Variants in ABCA1 observed in about 807,000 individuals in gnomAD.
ABCA1 encodes phospholipid-transporting ATPase ABCA1.
In ABCA1, 133 loss-of-function variants were observed where a neutral mutation model predicts 262.5. The observed-to-expected ratio is 0.51, with a 90% confidence interval of 0.44 to 0.59. The LOEUF (loss-of-function observed/expected upper bound fraction) is 0.59. Among genes scored for constraint, ABCA1 ranks in the 20% least tolerant of loss-of-function variants. The pLI, the probability that ABCA1 is intolerant of heterozygous loss-of-function variation, is 0.00. For missense variants in ABCA1, 2,452 were observed against 2,777.5 expected (o/e 0.88, Z 2.63); for synonymous variants, 1,022 against 1,043.5 (o/e 0.98, Z 0.40).
At chr9:104,834,706 G>A (rs886231752) in intron 11 of ABCA1, among the ~76,000 whole-genome samples, 6 of 145,158 alleles carry the variant, frequency 4.1e-5, no homozygotes, top group Admixed American at 1.4e-4. Context: ...AACAGGTCCC[G>A]AGGATGGGTG....
At chr9:104,920,551 G>C (rs142569607) in intron 1 of ABCA1, among the ~76,000 whole-genome samples, 142 of 152,216 alleles carry the variant, frequency 9.3e-4, no homozygotes, top group African/African-American at 3.3e-3. Flanking sequence ...TTTTGAGATG[G>C]AGTCTCGCTC....
At chr9:104,862,109 T>C (rs1473824596) in intron 5 of ABCA1, among the ~76,000 whole-genome samples, 1 of 151,820 alleles carries the variant, frequency 6.6e-6, no homozygotes, top group East Asian at 1.9e-4. Flanking sequence ...TTTTCTTTTT[T>C]TTTTTTTATT....
At chr9:104,835,583 C>A (rs997692507) in intron 11 of ABCA1, among the ~76,000 whole-genome samples, 3 of 152,160 alleles carry the variant, frequency 2.0e-5, no homozygotes, top group East Asian at 1.9e-4. Context: ...AATTCATCCA[C>A]CCCATCAGAG....
At position 104,800,510 on chromosome 9, in the gene ABCA1, C is replaced by A; in HGVS notation, c.4773G>T (p.Lys1591Asn). ...MTGLDTKNNV[K>N]VWFNNKGWHA... Reference sequence around the variant, plus strand: ...TACTAGAACAAAGACAGCGGTTTACCTTGACATTATTTTTGGTGTCCAGTC... The same window carrying A: ...TACTAGAACAAAGACAGCGGTTTACATTGACATTATTTTTGGTGTCCAGTC... The change falls in exon 35 of 50, where the codon AAG becomes AAT. Residue 1591 changes from lysine (K) to asparagine (N), a missense_variant and splice_region_variant. Coordinates refer to ENST00000374736, the MANE Select transcript of ABCA1 (RefSeq NM_005502.4). The A allele has an allele frequency of 6.2e-7, 1 of 1,613,428 alleles. No homozygotes were observed. Among genetic ancestry groups the A allele is most frequent in the Non-Finnish European group, 8.5e-7 (1 of 1,179,386 alleles).
chr9:104,828,301 C>T (rs564843632), intron 15 of ABCA1, among the ~76,000 whole-genome samples: 5 of 152,238 alleles, frequency 3.3e-5, no homozygotes, highest in African/African-American at 4.8e-5. Context: ...AGGAGGGAGG[C>T]CTTGGGGGAG....
intron 9 of ABCA1, among the ~76,000 whole-genome samples, chr9:104,838,749 A>C (rs2119029137): frequency 6.6e-6 from 1 of 152,276 alleles, no homozygotes; most frequent in Non-Finnish European, 1.5e-5. Context: ...TTAAAAATTC[A>C]TTCTAAGTTT....
intron 14 of ABCA1, 134 bp downstream of exon 14, chr9:104,830,791 G>A: frequency 1.0e-6 from 1 of 978,956 alleles, no homozygotes. Context: ...TCATGTGGCT[G>A]CAACTGTTGA....
chr9:104,858,655 T>C lies in ABCA1; in HGVS notation c.587A>G (p.Asn196Ser), dbSNP rs771239864. 4.3e-6 allele frequency: 7 copies of C among 1,614,212 alleles called. No homozygotes were observed. The highest frequency in any genetic ancestry group is 1.3e-5 in the African/African-American group (1 of 75,062). Reference protein sequence around the residue: ...GYQLHLTSLCNGSKSEEMIQL... With the variant: ...GYQLHLTSLCSGSKSEEMIQL... ...AATCATCTCTTCTGATTTTGATCCA[T>C]TGCACAGACTTGTCAAATGTAACTG... The change falls in exon 7 of 50, where the codon AAT becomes AGT. Residue 196 changes from asparagine to serine, a missense_variant. Coordinates refer to ENST00000374736, the MANE Select transcript of ABCA1 (RefSeq NM_005502.4).
intron 9 of ABCA1, among the ~76,000 whole-genome samples, chr9:104,838,477 C>T (rs1834033697): frequency 6.7e-6 from 1 of 149,910 alleles, no homozygotes; most frequent in South Asian, 2.1e-4. Flanking sequence ...ATTAGCTGGG[C>T]ATGGTGGCGG....
At chr9:104,786,651 C>A (rs1021044004) in intron 47 of ABCA1, among the ~76,000 whole-genome samples, 1 of 152,008 alleles carries the variant, frequency 6.6e-6, no homozygotes, top group Admixed American at 6.6e-5. Flanking sequence ...GAAATGACAC[C>A]TAAATGCACT....
chr9:104,795,260 A>C (rs760939627), intron 39 of ABCA1, among the ~76,000 whole-genome samples: 1 of 152,206 alleles, frequency 6.6e-6, no homozygotes, highest in Non-Finnish European at 1.5e-5. Flanking sequence ...TGGTGGTTGG[A>C]GGCAACTCAT....
chr9:104,822,776 C>T, intron 18 of ABCA1, 109 bp from the exon 19 acceptor site: 1 of 1,293,744 alleles, frequency 7.7e-7, no homozygotes, highest in Non-Finnish European at 1.1e-6. Context: ...CTCTCCATGT[C>T]CACCCTGGTT....
chr9:104,803,657 G>C (rs947138905), intron 32 of ABCA1, among the ~76,000 whole-genome samples: 5 of 151,864 alleles, frequency 3.3e-5, no homozygotes, highest in African/African-American at 7.3e-5. Flanking sequence ...GCCCAGGCTG[G>C]AATGCAATGG....
In ABCA1 at chr9:104,825,806, C is replaced by T. The variant is rs563665817; in HGVS notation, c.2419G>A (p.Asp807Asn). The T allele has an allele frequency of 1.7e-5, 28 of 1,614,216 alleles. No homozygotes were observed. The Admixed American group carries it at 3.0e-4, about 17-fold the overall frequency. ...TCCACAGGACTCTCAAACAGGTTGT[C>T]CCACTGCACTCCAATGCCCTGCTCC... ...FEEQGIGVQW[D>N]NLFESPVEED... The change falls in exon 17 of 50, where the codon GAC (aspartate) becomes AAC (asparagine). Residue 807 changes from aspartate (D) to asparagine (N), a missense_variant. This residue lies in a region of ABCA1 where 1,032 missense variants were observed against 1,089.7 expected (regional missense o/e 0.95). Transcript: ENST00000374736.
chr9:104,811,718 T>C (rs908264900), intron 28 of ABCA1, among the ~76,000 whole-genome samples: 6 of 152,238 alleles, frequency 3.9e-5, no homozygotes, highest in African/African-American at 9.6e-5. Flanking sequence ...GAGTGAATAA[T>C]TCTGTATAAC....
intron 1 of ABCA1, among the ~76,000 whole-genome samples, chr9:104,916,126 A>C (rs1487343431): frequency 6.6e-6 from 1 of 152,198 alleles, no homozygotes; most frequent in Non-Finnish European, 1.5e-5. Flanking sequence ...AACTTAATAA[A>C]CAATACTTGA....
chr9:104,786,722 C>A, intron 47 of ABCA1, 151 bp downstream of exon 47: 1 of 782,230 alleles, frequency 1.3e-6, no homozygotes, highest in South Asian at 1.5e-5. Flanking sequence ...ACTGGGCTTG[C>A]ATTTTTGTAA....
In ABCA1 at chr9:104,855,120, G is replaced by C. The variant is rs1835727343; in HGVS notation, c.720+3402C>G. 3 of 981,846 alleles carry C rather than the reference G, an allele frequency of 3.1e-6. No homozygotes were observed. In the South Asian group the frequency reaches 1.4e-4, roughly 46 times the overall value. 60.8% of individuals were successfully genotyped at this position (981,846 alleles called of 1,614,324 possible). A position where few individuals can be genotyped will look rare whatever the true frequency, so the allele number is the denominator to read the frequency against. On this transcript the variant is annotated intron_variant, in intron 7 of 49. Transcript: ENST00000374736. ...TTGACAATATCTGAGCAAGAATGCA[G>C]TTTTTCACTGAAATACTCACCAGGA...
At chr9:104,800,397 G>C (rs1042048034) in intron 35 of ABCA1, 113 bp downstream of exon 35, 2 of 977,046 alleles carry the variant, frequency 2.0e-6, no homozygotes, top group Non-Finnish European at 3.3e-6. Context: ...TTAATAGTTT[G>C]CTCTTTTCTG....
Sources: gnomAD v4.1 joint callset for allele counts (sites outside exome capture counted in the v4.1 genomes callset) on GRCh38, gnomAD v4.1.1 for gene constraint, gnomAD v4.1.1 regional missense constraint, MANE v1.5 for transcripts, NCBI Gene and HGNC (gene_info 2026-07-23, HGNC 2026-07-21) for gene names.